The following FUT8 variants were observed in gnomAD, a reference collection of about 807,000 sequenced individuals.
FUT8 encodes the protein fucosyltransferase 8.
In FUT8, 29 loss-of-function variants were observed where a neutral mutation model predicts 71.3. The ratio of observed to expected loss-of-function variants is 0.41; its 90% CI spans 0.30 to 0.55. FUT8 has a LOEUF of 0.55. Ranked by LOEUF, FUT8 falls within the 20% of genes least tolerant of loss-of-function variation. The probability of loss-of-function intolerance (pLI) is 0.34; values close to 1 mark genes in which losing one functional copy is unlikely to be tolerated. For synonymous variants in FUT8, 254 were observed against 239.3 expected (o/e 1.06, Z -0.57); for missense variants, 544 against 702.1 (o/e 0.77, Z 2.55).
rs1429220498 is a variant in FUT8, at chr14:65,643,771, A to G, written c.597+14165A>G. Among the ~76,000 whole-genome samples, 2 of 151,676 alleles carry G rather than the reference A, an allele frequency of 1.3e-5. No homozygotes were observed. Among genetic ancestry groups the G allele is most frequent in the Non-Finnish European group, 1.5e-5 (1 of 67,964 alleles). Reference sequence around the variant, plus strand: ...TCATTTAATCCTTGAGAGTAGCAACACCCAGTAGAGGTTTTATCCTTTTAA... The same window carrying G: ...TCATTTAATCCTTGAGAGTAGCAACGCCCAGTAGAGGTTTTATCCTTTTAA... On this transcript the variant is annotated intron_variant, in intron 6 of 10. Transcript: ENST00000673929. This position sits in a 1 kb window ranked among gnomAD's most constrained non-coding sequence, Gnocchi z 4.5.
intron 1 of FUT8, among the ~76,000 whole-genome samples, chr14:65,432,879 G>A (rs1243757136): frequency 1.3e-5 from 2 of 151,844 alleles, no homozygotes; most frequent in Non-Finnish European, 2.9e-5. Context: ...CATAAAAATA[G>A]GCAACCAACA....
chr14:65,740,190 C>T (rs563971567), intron 10 of FUT8, among the ~76,000 whole-genome samples: 2 of 151,998 alleles, frequency 1.3e-5, no homozygotes, highest in South Asian at 2.1e-4. Context: ...CCAATATAAT[C>T]GTTGTTGAAC....
intron 7 of FUT8, among the ~76,000 whole-genome samples, chr14:65,710,031 C>G (rs1167220105): frequency 6.6e-6 from 1 of 152,162 alleles, no homozygotes; most frequent in Non-Finnish European, 1.5e-5. Flanking sequence ...GTTTCAAACT[C>G]TTAGGAAATG....
chr14:65,667,456 CT>C (rs1892273142), intron 6 of FUT8, among the ~76,000 whole-genome samples: 1 of 152,078 alleles, frequency 6.6e-6, no homozygotes, highest in Non-Finnish European at 1.5e-5. Context: ...CCTAAGAATA[CT>C]GCTAACTAGG....
chr14:65,689,682 C>A (rs1457413376), intron 7 of FUT8, among the ~76,000 whole-genome samples: 1 of 152,032 alleles, frequency 6.6e-6, no homozygotes, highest in African/African-American at 2.4e-5. Flanking sequence ...GGGACTACAG[C>A]CACATGCCAC....
At chr14:65,584,109 T>C (rs1887240752) in intron 3 of FUT8, among the ~76,000 whole-genome samples, 1 of 151,618 alleles carries the variant, frequency 6.6e-6, no homozygotes, top group Admixed American at 6.6e-5. Flanking sequence ...CTCCTGACCT[T>C]GTGATCCGCC....
intron 9 of FUT8, among the ~76,000 whole-genome samples, chr14:65,731,706 G>T (rs1302545200): frequency 6.6e-6 from 1 of 152,062 alleles, no homozygotes; most frequent in South Asian, 2.1e-4. Flanking sequence ...TGTTGCCCAG[G>T]CTGGTCTCGA....
intron 6 of FUT8, among the ~76,000 whole-genome samples, chr14:65,641,218 T>C (rs1036982722): frequency 6.6e-6 from 1 of 152,236 alleles, no homozygotes; most frequent in Non-Finnish European, 1.5e-5. Context: ...CTGCTTTCTA[T>C]CATTATAGAT....
At chr14:65,478,820 A>C (rs1300776945) in intron 2 of FUT8, among the ~76,000 whole-genome samples, 1 of 152,202 alleles carries the variant, frequency 6.6e-6, no homozygotes, top group East Asian at 1.9e-4. Context: ...CTGTGAATGA[A>C]GCTCTTCAAA....
chr14:65,596,651 C>T (rs182858054), intron 3 of FUT8, among the ~76,000 whole-genome samples: 9 of 152,202 alleles, frequency 5.9e-5, no homozygotes, highest in Non-Finnish European at 1.3e-4. Flanking sequence ...TTTAGGGTAG[C>T]ATAAGAAGAA....
At chr14:65,549,294 A>G (rs1885150475) in intron 2 of FUT8, among the ~76,000 whole-genome samples, 1 of 151,772 alleles carries the variant, frequency 6.6e-6, no homozygotes, top group Admixed American at 6.6e-5. Context: ...TTTACTGAAT[A>G]ACAAAGTGTA....
At chr14:65,402,621 G>A in the FUT8 span, among the ~76,000 whole-genome samples, 12 of 152,028 alleles carry the variant, frequency 7.9e-5, no homozygotes, top group Non-Finnish European at 1.3e-4. Flanking sequence ...AGCCGAGATC[G>A]CGCCACTGCA....
chr14:65,528,081 G>T (rs1883628251), intron 2 of FUT8, among the ~76,000 whole-genome samples: 1 of 152,246 alleles, frequency 6.6e-6, no homozygotes, highest in African/African-American at 2.4e-5. Flanking sequence ...AAAGCTGTCA[G>T]ATGGGGACAT....
chr14:65,416,331 C>G (rs1451643524), intron 1 of FUT8, among the ~76,000 whole-genome samples: 1 of 149,870 alleles, frequency 6.7e-6, no homozygotes, highest in African/African-American at 2.4e-5. Flanking sequence ...TTTTTTTTCC[C>G]CCAAAGAGAT....
chr14:65,425,665 G>T (rs530972423), intron 1 of FUT8, among the ~76,000 whole-genome samples: 62 of 152,114 alleles, frequency 4.1e-4, no homozygotes, highest in African/African-American at 1.5e-3. Context: ...TTGTGTGTTT[G>T]TGTGGTGAGA....
the FUT8 span, among the ~76,000 whole-genome samples, chr14:65,365,353 C>G: frequency 7.1e-6 from 1 of 140,766 alleles, no homozygotes; most frequent in Non-Finnish European, 1.6e-5. Flanking sequence ...CTCTCTCTCT[C>G]TCTCTCTCAT....
At chr14:65,564,006 G>A (rs1886055671) in intron 3 of FUT8, among the ~76,000 whole-genome samples, 1 of 151,984 alleles carries the variant, frequency 6.6e-6, no homozygotes, top group Non-Finnish European at 1.5e-5. Context: ...ATAATTTCAG[G>A]AAAATAGTTT....
the FUT8 span, among the ~76,000 whole-genome samples, chr14:65,363,015 C>CAAA: frequency 8.5e-5 from 12 of 140,718 alleles, no homozygotes; most frequent in South Asian, 4.4e-4. Context: ...AAATGAGACT[C>CAAA]AAAAAAAAAA....
intron 2 of FUT8, among the ~76,000 whole-genome samples, chr14:65,502,094 A>G (rs2066655009): frequency 6.6e-6 from 1 of 152,016 alleles, no homozygotes; most frequent in South Asian, 2.1e-4. Context: ...TATTTTTTGT[A>G]GAGACGAGGT....
Sources: gnomAD v4.1 joint callset for allele counts (sites outside exome capture counted in the v4.1 genomes callset) on GRCh38, gnomAD v4.1.1 for gene constraint, Gnocchi (gnomAD v3.1) non-coding constraint, MANE v1.5 for transcripts, NCBI Gene and HGNC (gene_info 2026-07-23, HGNC 2026-07-21) for gene names.